NEBL: variants seen among roughly 807,000 people sequenced by gnomAD.
The protein encoded by NEBL is nebulette, also known as LIM and SH3 protein 2.
NEBL carries 122 observed loss-of-function variants against 140.2 expected under a neutral mutation model. The observed-to-expected ratio is 0.87, with a 90% confidence interval of 0.75 to 1.01. NEBL has a LOEUF of 1.01. Ranked by LOEUF, NEBL falls within the 50% of genes least tolerant of loss-of-function variation. NEBL has a pLI of 0.00. For synonymous variants in NEBL, 436 were observed against 398.9 expected (o/e 1.09, Z -1.11); for missense variants, 1,365 against 1,231.3 (o/e 1.11, Z -1.62).
intron 1 of NEBL, among the ~76,000 whole-genome samples, chr10:21,281,598 C>G (rs1157506421): frequency 6.6e-6 from 1 of 152,064 alleles, no homozygotes; most frequent in Non-Finnish European, 1.5e-5. Context: ...CATTCATCCT[C>G]CCCACCATCC....
chr10:21,239,812 C>A (rs958903821), intron 3 of NEBL, among the ~76,000 whole-genome samples: 1 of 151,916 alleles, frequency 6.6e-6, no homozygotes, highest in Non-Finnish European at 1.5e-5. Context: ...GTCAGGAGAT[C>A]AAGACCATCC....
intron 4 of NEBL, among the ~76,000 whole-genome samples, chr10:20,913,477 T>C (rs911041568): frequency 6.6e-6 from 1 of 152,200 alleles, no homozygotes; most frequent in Admixed American, 6.5e-5. Flanking sequence ...AATTAGGAAC[T>C]TGGAATATAA....
At chr10:21,058,888 T>C (rs1310150360) in intron 2 of NEBL, among the ~76,000 whole-genome samples, 2 of 152,210 alleles carry the variant, frequency 1.3e-5, no homozygotes, top group African/African-American at 4.8e-5. Flanking sequence ...TGCTGAGTAT[T>C]AGGTTTGGCT....
chr10:20,855,155 G>C (rs759706217), intron 9 of NEBL, among the ~76,000 whole-genome samples: 2 of 151,656 alleles, frequency 1.3e-5, no homozygotes, highest in Non-Finnish European at 2.9e-5. Context: ...GCTTGAACCT[G>C]GGAGCGGAGG....
At chr10:21,227,722 T>TCTTCTTCTTCTTC (rs1842182826) in intron 3 of NEBL, among the ~76,000 whole-genome samples, 1 of 103,666 alleles carries the variant, frequency 9.6e-6, no homozygotes, top group African/African-American at 3.9e-5. Context: ...TTCTTCTTCT[T>TCTTCTTCTTCTTC]CTTCTTCTTC....
intron 3 of NEBL, among the ~76,000 whole-genome samples, chr10:21,229,351 G>A (rs1188970146): frequency 6.6e-6 from 1 of 152,178 alleles, no homozygotes. Context: ...AGCCCGAGTG[G>A]TTGAGTCTGC....
At chr10:21,291,617 T>C (rs1179487238) in intron 1 of NEBL, among the ~76,000 whole-genome samples, 1 of 151,562 alleles carries the variant, frequency 6.6e-6, no homozygotes, top group Non-Finnish European at 1.5e-5. Context: ...ATGGCAATTA[T>C]GAAAAATAAA....
At chr10:21,277,877 C>A (rs10828229) in intron 1 of NEBL, among the ~76,000 whole-genome samples, 1 of 152,076 alleles carries the variant, frequency 6.6e-6, no homozygotes, top group East Asian at 1.9e-4. Context: ...GGCTGGCCTC[C>A]AACTCTTGGG....
chr10:21,062,754 T>A (rs1045566426), intron 2 of NEBL, among the ~76,000 whole-genome samples: 9 of 151,914 alleles, frequency 5.9e-5, no homozygotes, highest in African/African-American at 2.2e-4. Flanking sequence ...TAGAATGAGA[T>A]CAACCCTCTC....
intron 2 of NEBL, among the ~76,000 whole-genome samples, chr10:21,073,432 C>T (rs908387929): frequency 4.6e-5 from 7 of 151,436 alleles, no homozygotes; most frequent in African/African-American, 1.7e-4. Flanking sequence ...ACCTGGCCAA[C>T]GTGGTGAAAC....
At chr10:20,986,371 A>G (rs995484870) in intron 3 of NEBL, among the ~76,000 whole-genome samples, 3 of 152,218 alleles carry the variant, frequency 2.0e-5, no homozygotes, top group African/African-American at 4.8e-5. Flanking sequence ...CAAAATAATT[A>G]AGCCAAAAAT....
chr10:21,165,349 A>G (rs768271489), intron 2 of NEBL, among the ~76,000 whole-genome samples: 1 of 152,216 alleles, frequency 6.6e-6, no homozygotes, highest in South Asian at 2.1e-4. Context: ...CTATCCCAAC[A>G]GCAGGATACT....
At chr10:21,104,077 T>C (rs941123797) in intron 2 of NEBL, among the ~76,000 whole-genome samples, 7 of 152,216 alleles carry the variant, frequency 4.6e-5, no homozygotes, top group African/African-American at 1.7e-4. Context: ...CTGAATTAAC[T>C]TGGTGTCTTT....
intron 2 of NEBL, among the ~76,000 whole-genome samples, chr10:21,093,444 A>C (rs965715400): frequency 4.6e-5 from 7 of 152,270 alleles, no homozygotes; most frequent in African/African-American, 1.7e-4. Flanking sequence ...AGGGAACCAG[A>C]CGCCCAAAGC....
chr10:20,970,723 A>G (rs554489560), intron 3 of NEBL, among the ~76,000 whole-genome samples: 5 of 152,340 alleles, frequency 3.3e-5, no homozygotes, highest in African/African-American at 1.2e-4. Context: ...ATCTTCAGAT[A>G]AATCTTAGCA....
intron 3 of NEBL, among the ~76,000 whole-genome samples, chr10:21,196,984 T>C (rs1479283388): frequency 6.6e-6 from 1 of 152,238 alleles, no homozygotes; most frequent in Non-Finnish European, 1.5e-5. Context: ...CGGATGTTAT[T>C]TCGTTTTCTC....
At chr10:21,174,970 A>G (rs1841265141), upstream of NEBL, 3 of 152,238 alleles carry the variant, frequency 2.0e-5, no homozygotes, top group South Asian at 6.2e-4. Context: ...TCAACACCGC[A>G]AAGATCTGGG....
chr10:21,270,939 C>G (rs1842853411), intron 1 of NEBL, among the ~76,000 whole-genome samples: 1 of 152,264 alleles, frequency 6.6e-6, no homozygotes, highest in Admixed American at 6.5e-5. Flanking sequence ...TAAATTGGTA[C>G]AGCCATTATG....
At chr10:21,121,637 G>A (rs1308318866) in intron 2 of NEBL, among the ~76,000 whole-genome samples, 1 of 152,140 alleles carries the variant, frequency 6.6e-6, no homozygotes, top group Non-Finnish European at 1.5e-5. Flanking sequence ...GAGTCGTAGA[G>A]AGCAAATCCA....
Sources: gnomAD v4.1 joint callset for allele counts (sites outside exome capture counted in the v4.1 genomes callset) on GRCh38, gnomAD v4.1.1 for gene constraint, MANE v1.5 for transcripts, NCBI Gene and HGNC (gene_info 2026-07-23, HGNC 2026-07-21) for gene names.